MTUS2: variants seen among roughly 807,000 people sequenced by gnomAD.
MTUS2 encodes the protein microtubule-associated tumor suppressor candidate 2.
In MTUS2, 40 loss-of-function variants were observed where a neutral mutation model predicts 114.1. That is an observed-to-expected ratio of 0.35 (90% CI 0.27 to 0.46). MTUS2 has a LOEUF of 0.46. Among genes scored for constraint, MTUS2 ranks in the 20% least tolerant of loss-of-function variants. The pLI is 1.00. For synonymous variants in MTUS2, 688 were observed against 672.0 expected (o/e 1.02, Z -0.37); for missense variants, 1,679 against 1,705.4 (o/e 0.98, Z 0.27).
At chr13:28,977,570 T>C (rs146380560) in intron 2 of MTUS2, among the ~76,000 whole-genome samples, 226 of 152,326 alleles carry the variant, frequency 1.5e-3, no homozygotes, top group Non-Finnish European at 2.7e-3. Flanking sequence ...TCCGACAAAA[T>C]AGAGTTTTGT....
chr13:29,438,234 C>G (rs898066767), intron 8 of MTUS2, among the ~76,000 whole-genome samples: 1 of 152,056 alleles, frequency 6.6e-6, no homozygotes, highest in Non-Finnish European at 1.5e-5. Flanking sequence ...TACATGCTCT[C>G]AGATGTAGTT....
intron 7 of MTUS2, among the ~76,000 whole-genome samples, chr13:29,346,254 A>G (rs556745429): frequency 2.6e-5 from 4 of 152,264 alleles, no homozygotes; most frequent in African/African-American, 9.6e-5. Context: ...GGACAGGGCC[A>G]TAGAGCTCCC....
chr13:29,302,159 T>C (rs554270962), intron 6 of MTUS2, among the ~76,000 whole-genome samples: 5 of 152,288 alleles, frequency 3.3e-5, no homozygotes, highest in African/African-American at 1.2e-4. Context: ...AATTGAAATA[T>C]CCAGATTCTC....
At chr13:28,984,959 T>C (rs1884517302) in intron 2 of MTUS2, among the ~76,000 whole-genome samples, 3 of 152,200 alleles carry the variant, frequency 2.0e-5, no homozygotes, top group South Asian at 4.1e-4. Context: ...TTCAGGATAA[T>C]GGATAAGGGA....
Position 29,026,716 on chromosome 13 carries a change from C to T in MTUS2, c.2018C>T (p.Thr673Ile), listed in dbSNP as rs1886571693. The T allele has an allele frequency of 6.2e-7, 1 of 1,613,868 alleles. No homozygotes were observed. Among genetic ancestry groups the T allele is most frequent in the African/African-American group, 1.3e-5 (1 of 74,928 alleles). ...GTGGGGCTTCCATATGCCCCGCCCA[C>T]ATGTACCATGCCTCTTCCCCACGAA... ...VPVGLPYAPP[T>I]CTMPLPHEEK... The change falls in exon 3 of 16, where the codon ACA becomes ATA. Residue 673 changes from threonine to isoleucine, a missense_variant. This residue lies in a region of MTUS2 where 822 missense variants were observed against 899.7 expected (regional missense o/e 0.91). Transcript: ENST00000612955.
chr13:29,206,384 T>G (rs1428350260), intron 5 of MTUS2, among the ~76,000 whole-genome samples: 1 of 152,238 alleles, frequency 6.6e-6, no homozygotes, highest in Non-Finnish European at 1.5e-5. Flanking sequence ...GATTATTGCT[T>G]TTACGGTGCA....
intron 7 of MTUS2, among the ~76,000 whole-genome samples, chr13:29,325,550 G>A (rs1055850073): frequency 1.8e-4 from 7 of 39,280 alleles, no homozygotes. Flanking sequence ...AAAGAAGAAG[G>A]AAGAAGAGGA....
intron 2 of MTUS2, among the ~76,000 whole-genome samples, chr13:28,884,621 G>A (rs1046823705): frequency 3.9e-5 from 6 of 152,130 alleles, no homozygotes; most frequent in African/African-American, 1.2e-4. Context: ...ACTTGGGAGC[G>A]GGGAACGGGA....
intron 6 of MTUS2, among the ~76,000 whole-genome samples, chr13:29,307,980 A>T (rs1899557271): frequency 6.6e-6 from 1 of 152,208 alleles, no homozygotes; most frequent in Non-Finnish European, 1.5e-5. Flanking sequence ...GCTCAGTCAA[A>T]AAAAGAAAAA....
chr13:28,902,827 A>C (rs1593285437), intron 2 of MTUS2, among the ~76,000 whole-genome samples: 1 of 152,124 alleles, frequency 6.6e-6, no homozygotes, highest in South Asian at 2.1e-4. Context: ...GTGGCTTCTT[A>C]TTAAATAGAA....
At chr13:29,127,082 C>G (rs1400514444) in intron 5 of MTUS2, among the ~76,000 whole-genome samples, 2 of 152,220 alleles carry the variant, frequency 1.3e-5, no homozygotes, top group African/African-American at 4.8e-5. Context: ...TGCTCACCTG[C>G]TCCTGGCCCC....
intron 2 of MTUS2, among the ~76,000 whole-genome samples, chr13:29,013,343 G>A (rs1885931749): frequency 6.6e-6 from 1 of 151,954 alleles, no homozygotes; most frequent in African/African-American, 2.4e-5. Context: ...GACTCTTGGT[G>A]GTCAAAGCCA....
At chr13:29,277,752 C>G (rs1337906397) in intron 5 of MTUS2, among the ~76,000 whole-genome samples, 1 of 152,192 alleles carries the variant, frequency 6.6e-6, no homozygotes, top group Non-Finnish European at 1.5e-5. Context: ...ACGCCACTTC[C>G]AGGCATGGCC....
chr13:29,240,646 T>G (rs1252422889), intron 5 of MTUS2, among the ~76,000 whole-genome samples: 1 of 152,234 alleles, frequency 6.6e-6, no homozygotes, highest in Admixed American at 6.5e-5. Context: ...ACTATAAAAA[T>G]TTCAGTGTGT....
chr13:29,396,567 G>A (rs988030499), intron 8 of MTUS2, among the ~76,000 whole-genome samples: 7 of 152,178 alleles, frequency 4.6e-5, no homozygotes, highest in Non-Finnish European at 7.3e-5. Flanking sequence ...TTCTGCCTGC[G>A]TGGTACATGA....
chr13:28,911,679 T>C (rs1256874909), intron 2 of MTUS2, among the ~76,000 whole-genome samples: 1 of 152,098 alleles, frequency 6.6e-6, no homozygotes, highest in African/African-American at 2.4e-5. Context: ...GTTTCTTGAC[T>C]TTTTAATAAT....
intron 6 of MTUS2, among the ~76,000 whole-genome samples, chr13:29,291,157 G>T (rs923414389): frequency 2.6e-5 from 4 of 152,136 alleles, no homozygotes; most frequent in Non-Finnish European, 4.4e-5. Flanking sequence ...TAGAGACACT[G>T]ATAGCAAATC....
chr13:28,980,054 C>T (rs2138290376), intron 2 of MTUS2, among the ~76,000 whole-genome samples: 1 of 152,280 alleles, frequency 6.6e-6, no homozygotes, highest in South Asian at 2.1e-4. Context: ...AGGCCAACTA[C>T]ATGATGCGTT....
At chr13:29,476,472 A>G (rs1329771994) in intron 9 of MTUS2, 1 of 152,152 alleles carries the variant, frequency 6.6e-6, no homozygotes, top group Non-Finnish European at 1.5e-5. Flanking sequence ...ATCCTCTGAG[A>G]TATATTCCAT....
Sources: allele counts gnomAD v4.1 joint callset (sites outside exome capture counted in the v4.1 genomes callset), GRCh38; gene constraint gnomAD v4.1.1; regional missense constraint gnomAD v4.1.1; transcripts MANE v1.5; gene names NCBI Gene and HGNC (gene_info 2026-07-23, HGNC 2026-07-21).